CRTC1: variants seen among roughly 807,000 people sequenced by gnomAD.
The protein encoded by CRTC1 is CREB-regulated transcription coactivator 1.
Under a neutral mutation model 66.1 loss-of-function variants are expected in CRTC1, and 18 were observed. The ratio of observed to expected loss-of-function variants is 0.27; its 90% CI spans 0.19 to 0.40. CRTC1 has a LOEUF of 0.40. Ranked by LOEUF, CRTC1 falls within the 10% of genes least tolerant of loss-of-function variation. The pLI is 1.00. For missense variants in CRTC1, 669 were observed against 887.9 expected (o/e 0.75, Z 3.13); for synonymous variants, 416 against 398.8 (o/e 1.04, Z -0.51).
intron 6 of CRTC1, among the ~76,000 whole-genome samples, chr19:18,756,156 A>G (rs1191776346): frequency 6.6e-6 from 1 of 152,014 alleles, no homozygotes; most frequent in Non-Finnish European, 1.5e-5. Context: ...CAACATGGTA[A>G]AATCCCGTTT....
At chr19:18,733,806 A>G (rs769310395) in intron 1 of CRTC1, among the ~76,000 whole-genome samples, 185 of 152,334 alleles carry the variant, frequency 1.2e-3, no homozygotes, top group Non-Finnish European at 1.9e-3. Context: ...CTAGAAGTGT[A>G]AAACTCCTGT....
chr19:18,721,796 G>A (rs2053635808), intron 1 of CRTC1, among the ~76,000 whole-genome samples: 2 of 152,124 alleles, frequency 1.3e-5, no homozygotes, highest in South Asian at 4.1e-4. Flanking sequence ...ACCTGGCCTC[G>A]ACCTGCAAAG....
chr19:18,710,060 C>T (rs1428370338), intron 1 of CRTC1, among the ~76,000 whole-genome samples: 1 of 151,716 alleles, frequency 6.6e-6, no homozygotes, highest in Non-Finnish European at 1.5e-5. Flanking sequence ...CTTGGCGAGC[C>T]ACTGTCATGG....
intron 6 of CRTC1, among the ~76,000 whole-genome samples, chr19:18,756,774 C>G (rs1299892309): frequency 6.6e-6 from 1 of 152,142 alleles, no homozygotes; most frequent in African/African-American, 2.4e-5. Flanking sequence ...GAGACACACC[C>G]CGATAGTGGA....
At chr19:18,755,593 CTTTTTT>C (rs58121199) in intron 6 of CRTC1, among the ~76,000 whole-genome samples, 2 of 107,498 alleles carry the variant, frequency 1.9e-5, no homozygotes, top group African/African-American at 7.3e-5. Context: ...CCAAACCTGG[CTTTTTT>C]TTTTTTTTTT....
At chr19:18,729,408 A>G (rs1454390213) in intron 1 of CRTC1, among the ~76,000 whole-genome samples, 1 of 149,762 alleles carries the variant, frequency 6.7e-6, no homozygotes, top group East Asian at 2.0e-4. Flanking sequence ...CCTGGGCAAC[A>G]GAGCGAGACT....
rs1222302857 is a variant in CRTC1, at chr19:18,729,425, CA to C, written c.127-13472del. On this transcript the variant is annotated intron_variant, in intron 1 of 13. Transcript: ENST00000321949. ...TGGGCAACAGAGCGAGACTCCGTCT[CA>C]AAAAAAAAAAAAGAAAAAAAAAAAG... is the stretch of plus-strand genomic sequence containing the variant. Among the ~76,000 whole-genome samples the C allele has an allele frequency of 3.3e-3, 301 of 91,354 alleles. 1 individual carries two copies. Among genetic ancestry groups the C allele is most frequent in the Non-Finnish European group, 4.2e-3 (190 of 44,958 alleles). The allele number at this position is 91,354 out of a possible 152,430, so 59.9% of individuals were successfully genotyped here.
intron 1 of CRTC1, among the ~76,000 whole-genome samples, chr19:18,739,089 A>G (rs551020666): frequency 2.4e-4 from 37 of 152,230 alleles, no homozygotes; most frequent in Non-Finnish European, 4.8e-4. Flanking sequence ...ATGCCCATCT[A>G]TCTGGCCCAC....
At position 18,778,494 on chromosome 19, in the gene CRTC1, C is replaced by G. The variant is rs1184738166; in HGVS notation, c.*1112C>G. 2 of 231,792 alleles carry G rather than the reference C, an allele frequency of 8.6e-6. No individual in the cohort carries two copies. Among genetic ancestry groups the G allele is most frequent in the Non-Finnish European group, 1.7e-5 (2 of 117,224 alleles). 14.4% of individuals were successfully genotyped at this position (231,792 alleles called of 1,614,324 possible). ...AGAAGTGAGTCCGGCTTTTGGGTTT[C>G]ACCCCAAGTTATCTCAAAACAAAAG... On this transcript the variant is annotated 3_prime_UTR_variant, in exon 14 of 14. Transcript: ENST00000321949.
intron 1 of CRTC1, among the ~76,000 whole-genome samples, chr19:18,687,328 C>T (rs1300932970): frequency 1.6e-4 from 24 of 152,084 alleles, no homozygotes; most frequent in Admixed American, 1.6e-3. Flanking sequence ...CCAGCCAAGG[C>T]TGAGAAACTT....
chr19:18,768,619 C>A lies in CRTC1; in HGVS notation c.1146C>A (p.Pro382=). 6.7e-7 allele frequency: 1 copy of A among 1,502,388 alleles called. No homozygotes were observed. Among genetic ancestry groups the A allele is most frequent in the Non-Finnish European group, 9.0e-7 (1 of 1,107,334 alleles). 93.1% of individuals were successfully genotyped at this position (1,502,388 alleles called of 1,614,324 possible). The change falls in exon 10 of 14, where the codon CCC becomes CCA. Residue 382 remains proline (P), a synonymous_variant. Coordinates refer to ENST00000321949, the MANE Select transcript of CRTC1 (RefSeq NM_015321.3). This position sits in a 1 kb window ranked among gnomAD's most constrained non-coding sequence, Gnocchi z 5.6. The stretch of plus-strand genomic sequence containing the variant: ...CACCCGCGTCCCAGCAGCCACCACC[C>A]CCGCCACCCCCACAGGCGCCCGTCC... ...PPPPASQQPP[P]PPPPQAPVRL...
In CRTC1 at chr19:18,757,244, G is replaced by A. The variant is rs145375808; in HGVS notation, c.625-2307G>A. ...GTCATGCCTGCCAAGAGCAGAAGAC[G>A]GTCCTGCCTTTGTCCTTGAACAGGA... is the stretch of plus-strand genomic sequence containing the variant. On this transcript the variant is annotated intron_variant, in intron 6 of 13. Coordinates refer to ENST00000321949, the MANE Select transcript of CRTC1 (RefSeq NM_015321.3). Among the ~76,000 whole-genome samples the A allele has an allele frequency of 1.8e-3, 280 of 152,262 alleles. 3 individuals carry two copies. The highest frequency in any genetic ancestry group is 6.2e-3 in the African/African-American group (257 of 41,558).
At chr19:18,724,338 G>A (rs80092242) in intron 1 of CRTC1, among the ~76,000 whole-genome samples, 2,550 of 152,188 alleles carry the variant, frequency 0.017, 51 homozygotes, top group Admixed American at 0.041. Context: ...GGGATTCCAT[G>A]ATGAGCTGGC....
At chr19:18,710,105 G>T (rs1042969933) in intron 1 of CRTC1, among the ~76,000 whole-genome samples, 1 of 151,876 alleles carries the variant, frequency 6.6e-6, no homozygotes. Flanking sequence ...GTGCTCACGG[G>T]GCCTCCTGCC....
At chr19:18,744,477 T>TAC (rs556964323) in intron 2 of CRTC1, among the ~76,000 whole-genome samples, 2 of 148,170 alleles carry the variant, frequency 1.3e-5, no homozygotes, top group African/African-American at 5.1e-5. Flanking sequence ...CGTCCCTATA[T>TAC]ACACACACAC....
rs1012834217 is a variant in CRTC1, at chr19:18,768,134, C to T, written c.1012-351C>T. ...TCACTTGAGGTTTCCCCGCAGCACC[C>T]ACAGGGGCTGGGAGCTGGCTGCTCA... On this transcript the variant is annotated intron_variant, in intron 9 of 13. Transcript: ENST00000321949. This position sits in a 1 kb window ranked among gnomAD's most constrained non-coding sequence, Gnocchi z 5.6. Among the ~76,000 whole-genome samples the T allele has an allele frequency of 1.3e-5, 2 of 152,208 alleles. No individual in the cohort carries two copies. The highest frequency in any genetic ancestry group is 2.9e-5 in the Non-Finnish European group (2 of 68,022).
chr19:18,756,045 A>T (rs772501837), intron 6 of CRTC1, among the ~76,000 whole-genome samples: 18 of 152,170 alleles, frequency 1.2e-4, no homozygotes, highest in Non-Finnish European at 2.9e-5. Context: ...TTTAAAAAAG[A>T]ACCCTAGGCC....
chr19:18,726,394 A>C (rs746338385), intron 1 of CRTC1, among the ~76,000 whole-genome samples: 1 of 152,208 alleles, frequency 6.6e-6, no homozygotes, highest in Non-Finnish European at 1.5e-5. Flanking sequence ...GCGGCCAGCT[A>C]TAGGGATGAG....
At chr19:18,734,270 C>T (rs1037757281) in intron 1 of CRTC1, among the ~76,000 whole-genome samples, 1 of 152,046 alleles carries the variant, frequency 6.6e-6, no homozygotes, top group South Asian at 2.1e-4. Flanking sequence ...TGACAGTGTA[C>T]TAAATGCCTC....
Sources: allele counts gnomAD v4.1 joint callset (sites outside exome capture counted in the v4.1 genomes callset), GRCh38; gene constraint gnomAD v4.1.1; non-coding constraint Gnocchi (gnomAD v3.1); transcripts MANE v1.5; gene names NCBI Gene and HGNC (gene_info 2026-07-23, HGNC 2026-07-21).